The following PCDHA2 variants were observed in gnomAD, a reference collection of about 807,000 sequenced individuals.
PCDHA2 encodes the protein protocadherin alpha 2, also known as protocadherin alpha-2.
Under a neutral mutation model 66.0 loss-of-function variants are expected in PCDHA2, and 58 were observed. The ratio of observed to expected loss-of-function variants is 0.88; its 90% CI spans 0.71 to 1.09. PCDHA2 has a LOEUF of 1.09. PCDHA2 is among the 50% of genes least tolerant of loss of function. PCDHA2 has a pLI of 0.00. For missense variants in PCDHA2, 1,267 were observed against 1,242.3 expected (o/e 1.02, Z -0.30); for synonymous variants, 634 against 554.0 (o/e 1.14, Z -2.03).
chr5:140,946,387 T>C (rs1168775484), intron 1 of PCDHA2, among the ~76,000 whole-genome samples: 3 of 151,786 alleles, frequency 2.0e-5, no homozygotes, highest in African/African-American at 7.3e-5. Context: ...TTGGTAGGAA[T>C]GTAAATTAGT....
At chr5:140,834,216 C>G in intron 1 of PCDHA2, 1 of 658,062 alleles carries the variant, frequency 1.5e-6, no homozygotes, top group East Asian at 2.7e-5. Flanking sequence ...CTTTCGTAAT[C>G]AGCAAAAGGA....
intron 1 of PCDHA2, among the ~76,000 whole-genome samples, chr5:140,901,988 T>C (rs892830479): frequency 6.6e-6 from 1 of 152,164 alleles, no homozygotes; most frequent in Admixed American, 6.6e-5. Context: ...TTTAATTTCA[T>C]TTTCAGATTG....
In PCDHA2 at chr5:140,971,294, T is replaced by C. The variant is rs3776113; in HGVS notation, c.2389-7655T>C. Reference sequence around the variant, plus strand: ...CTGACCTGTATATTAATATGTACTTTGGTACACAAACATTTAATCTAGGGA... The same window carrying C: ...CTGACCTGTATATTAATATGTACTTCGGTACACAAACATTTAATCTAGGGA... On this transcript the variant is annotated intron_variant, in intron 1 of 3. Transcript: ENST00000526136. Among the ~76,000 whole-genome samples the C allele has an allele frequency of 6.4e-4, 97 of 152,362 alleles. No individual in the cohort carries two copies. In the East Asian group the frequency reaches 0.018, roughly 28 times the overall value.
At position 140,982,472 on chromosome 5, in the gene PCDHA2, C is replaced by T; in HGVS notation, c.2448-3C>T. The stretch of plus-strand genomic sequence containing the variant: ...CGTTATCTGGGTCTGTGTGTTTATT[C>T]AGCTCTGTGCACCTAGAGGAGGCTG... On this transcript the variant is annotated splice_polypyrimidine_tract_variant and splice_region_variant and intron_variant, in intron 2 of 3. Transcript: ENST00000526136. The T allele has an allele frequency of 3.1e-6, 5 of 1,614,144 alleles. No individual in the cohort carries two copies. Among genetic ancestry groups the T allele is most frequent in the Non-Finnish European group, 4.2e-6 (5 of 1,180,022 alleles).
chr5:140,866,929 A>C (rs1189639503), intron 1 of PCDHA2: 1 of 152,160 alleles, frequency 6.6e-6, no homozygotes, highest in African/African-American at 2.4e-5. Context: ...CAAAGGGCGC[A>C]TAATCTCTTC....
At chr5:140,862,185 A>G (rs561305480) in intron 1 of PCDHA2, 1 of 166,788 alleles carries the variant, frequency 6.0e-6, no homozygotes, top group South Asian at 1.6e-4. Flanking sequence ...TGACACAGGC[A>G]ATTCCCCAAT....
At chr5:140,919,222 C>G (rs1367427149) in intron 1 of PCDHA2, among the ~76,000 whole-genome samples, 3 of 152,144 alleles carry the variant, frequency 2.0e-5, no homozygotes, top group African/African-American at 7.2e-5. Flanking sequence ...TTCTTGATTT[C>G]TAGTAACACT....
rs782691695 is a variant in PCDHA2, at chr5:140,863,160, G to C, written c.2388+65808G>C. The C allele has an allele frequency of 6.2e-6, 4 of 647,644 alleles. No individual in the cohort carries two copies. The Admixed American group carries it at 7.5e-5, about 12-fold the overall frequency. 40.1% of individuals were successfully genotyped at this position (647,644 alleles called of 1,614,324 possible). A position where few individuals can be genotyped will look rare whatever the true frequency, so the allele number is the denominator to read the frequency against. ...TGGTGCTGGTGAAGGACCACTGCGA[G>C]CTGGCGCTGACTGCCACCGTCACCG... On this transcript the variant is annotated intron_variant, in intron 1 of 3. Transcript: ENST00000526136.
At chr5:140,965,113 G>C (rs1343720863) in intron 1 of PCDHA2, among the ~76,000 whole-genome samples, 1 of 152,218 alleles carries the variant, frequency 6.6e-6, no homozygotes, top group Non-Finnish European at 1.5e-5. Context: ...ATGACCCATA[G>C]AGGAAGATCT....
chr5:140,953,670 T>C (rs2094923970), intron 1 of PCDHA2, among the ~76,000 whole-genome samples: 1 of 152,212 alleles, frequency 6.6e-6, no homozygotes, highest in Non-Finnish European at 1.5e-5. Flanking sequence ...TGGAAGGGTC[T>C]GTTTATTATG....
chr5:140,881,180 T>G (rs1054668567), intron 1 of PCDHA2: 1 of 167,342 alleles, frequency 6.0e-6, no homozygotes, highest in East Asian at 1.9e-4. Flanking sequence ...TTTTCCTTGC[T>G]AAAGATATGT....
At chr5:140,836,290 C>A (rs2150256990) in intron 1 of PCDHA2, 1 of 1,613,742 alleles carries the variant, frequency 6.2e-7, no homozygotes, top group Non-Finnish European at 8.5e-7. Context: ...ACGACACGAG[C>A]CCTAGATGAG....
At chr5:141,006,353 A>G (rs2098269096) in intron 3 of PCDHA2, among the ~76,000 whole-genome samples, 1 of 151,784 alleles carries the variant, frequency 6.6e-6, no homozygotes, top group Admixed American at 6.6e-5. Flanking sequence ...CTGGGACTAT[A>G]GGCGCCCACC....
chr5:140,896,594 C>G (rs1583238277), intron 1 of PCDHA2, among the ~76,000 whole-genome samples: 1 of 150,950 alleles, frequency 6.6e-6, no homozygotes, highest in Non-Finnish European at 1.5e-5. Flanking sequence ...CCAGGCTGGT[C>G]TCGAACTCCT....
At chr5:140,947,622 G>C (rs1435558526) in intron 1 of PCDHA2, among the ~76,000 whole-genome samples, 1 of 151,534 alleles carries the variant, frequency 6.6e-6, no homozygotes, top group East Asian at 1.9e-4. Context: ...TAACAATATT[G>C]AGTCATCAGA....
Position 140,795,110 on chromosome 5 carries a change from C to A in PCDHA2, c.146C>A (p.Ala49Glu), listed in dbSNP as rs781929657. The A allele has an allele frequency of 6.2e-7, 1 of 1,614,040 alleles. No homozygotes were observed. The highest frequency in any genetic ancestry group is 8.5e-7 in the Non-Finnish European group (1 of 1,180,042). The stretch of plus-strand genomic sequence containing the variant: ...CACGGCACCTTCGTGGGCCGCATCG[C>A]GCAGGACCTGGGGCTGGAGCTGGAG... ...AKHGTFVGRIAQDLGLELEEL... is the reference protein window; with the variant it reads ...AKHGTFVGRIEQDLGLELEEL... The change falls in exon 1 of 4, where the codon GCG becomes GAG. Residue 49 changes from alanine to glutamate, a missense_variant. Coordinates refer to ENST00000526136, the MANE Select transcript of PCDHA2 (RefSeq NM_018905.3).
chr5:140,823,966 T>C (rs1457344203), intron 1 of PCDHA2: 2 of 1,613,828 alleles, frequency 1.2e-6, no homozygotes, highest in African/African-American at 2.7e-5. Context: ...CGAGGCCGTG[T>C]GCACACGGGG....
At chr5:140,836,507 C>T (rs1412547967) in intron 1 of PCDHA2, 3 of 1,613,748 alleles carry the variant, frequency 1.9e-6, no homozygotes, top group Non-Finnish European at 2.5e-6. Flanking sequence ...GCGCGGTGTC[C>T]AGTCTGTTGG....
At chr5:140,807,834 A>G (rs1272639969) in intron 1 of PCDHA2, 1 of 1,614,086 alleles carries the variant, frequency 6.2e-7, no homozygotes, top group East Asian at 2.2e-5. Flanking sequence ...ACAGCCACTG[A>G]TGGAGGCAAA....
Sources: allele counts gnomAD v4.1 joint callset (sites outside exome capture counted in the v4.1 genomes callset), GRCh38; gene constraint gnomAD v4.1.1; transcripts MANE v1.5; gene names NCBI Gene and HGNC (gene_info 2026-07-23, HGNC 2026-07-21).